The following TAB2 variants were observed in gnomAD, a reference collection of about 807,000 sequenced individuals.
TAB2 encodes TGF-beta-activated kinase 1 and MAP3K7-binding protein 2.
TAB2 carries 3 observed loss-of-function variants against 65.0 expected under a neutral mutation model. That is an observed-to-expected ratio of 0.05 (90% CI 0.02 to 0.12). The LOEUF is 0.12. Ranked by LOEUF, TAB2 falls within the 10% of genes least tolerant of loss-of-function variation. The pLI, the probability that TAB2 is intolerant of heterozygous loss-of-function variation, is 1.00. For synonymous variants in TAB2, 298 were observed against 285.1 expected, an observed-to-expected ratio of 1.05 and a Z score of -0.46; for missense variants, 623 against 840.3, an observed-to-expected ratio of 0.74 and a Z score of 3.20.
At chr6:149,272,844 A>G (rs949536468) in intron 1 of TAB2, among the ~76,000 whole-genome samples, 3 of 152,180 alleles carry the variant, frequency 2.0e-5, no homozygotes, top group African/African-American at 4.8e-5. Context: ...ATCTGAAAAC[A>G]TTTTAGATTG....
At chr6:149,362,574 A>G (rs750576889) in intron 1 of TAB2, among the ~76,000 whole-genome samples, 1 of 152,106 alleles carries the variant, frequency 6.6e-6, no homozygotes, top group Non-Finnish European at 1.5e-5. Context: ...TTTAGAGGAG[A>G]TAATGCCCTA....
chr6:149,376,862 A>G (rs1781413858), intron 2 of TAB2, among the ~76,000 whole-genome samples: 1 of 150,694 alleles, frequency 6.6e-6, no homozygotes, highest in East Asian at 1.9e-4. Flanking sequence ...ATCTTTTGAG[A>G]ATTCTTTAAA....
At position 149,370,941 on chromosome 6, in the gene TAB2, C is replaced by CT. The variant is rs770358643; in HGVS notation, c.102+843dup. Among the ~76,000 whole-genome samples the CT allele has an allele frequency of 1.2e-3, 185 of 151,698 alleles. 1 individual carries two copies. Among genetic ancestry groups the CT allele is most frequent in the Non-Finnish European group, 1.9e-3 (130 of 67,904 alleles). ...ATTAGCCAGGTGTGGCAGCCCACAC[C>CT]TGTGGTCCCAGCTACTCAGAAGACT... On this transcript the variant is annotated intron_variant, in intron 2 of 6. Coordinates refer to ENST00000637181, the MANE Select transcript of TAB2 (RefSeq NM_001292034.3).
chr6:149,358,640 C>CGTGTGTGTGTGTG (rs1554261847), intron 1 of TAB2, among the ~76,000 whole-genome samples: 1 of 121,634 alleles, frequency 8.2e-6, no homozygotes, highest in East Asian at 2.6e-4. Flanking sequence ...CTTCAGAACT[C>CGTGTGTGTGTGTG]TGTGTGTGTG....
chr6:149,352,902 C>T (rs1189546019), intron 1 of TAB2, among the ~76,000 whole-genome samples: 1 of 152,176 alleles, frequency 6.6e-6, no homozygotes. Context: ...ACACCCTTTT[C>T]CTGATGAGGA....
chr6:149,294,344 G>T (rs1274271655), intron 1 of TAB2, among the ~76,000 whole-genome samples: 2 of 152,128 alleles, frequency 1.3e-5, no homozygotes, highest in Non-Finnish European at 1.5e-5. Flanking sequence ...GCCCATTTGT[G>T]TTCAAATTTT....
upstream of TAB2, among the ~76,000 whole-genome samples, chr6:149,314,243 G>A (rs770231929): frequency 9.2e-5 from 14 of 152,212 alleles, no homozygotes; most frequent in South Asian, 2.1e-4. Context: ...TTGTGCCTTC[G>A]AACCTAATCT....
chr6:149,366,953 A>AC (rs141079527), intron 1 of TAB2, among the ~76,000 whole-genome samples: 30,660 of 141,854 alleles, frequency 0.22, 3,232 homozygotes, highest in Non-Finnish European at 0.23. Flanking sequence ...AATTGTGTAT[A>AC]AATTTTTTTT....
chr6:149,253,173 C>T (rs1777894902), intron 1 of TAB2: 2 of 152,236 alleles, frequency 1.3e-5, no homozygotes, highest in Non-Finnish European at 2.9e-5. Context: ...CTTGTCAGTA[C>T]TTGGCTGAGG....
intron 3 of TAB2, among the ~76,000 whole-genome samples, chr6:149,382,968 A>G (rs1474350394): frequency 6.6e-6 from 1 of 152,184 alleles, no homozygotes; most frequent in African/African-American, 2.4e-5. Flanking sequence ...GCTGGCCAAC[A>G]TGGTGAAACA....
chr6:149,229,393 C>T (rs1009949877), intron 1 of TAB2, among the ~76,000 whole-genome samples: 5 of 149,078 alleles, frequency 3.4e-5, no homozygotes, highest in African/African-American at 7.4e-5. Flanking sequence ...CCTTTAAAGA[C>T]GTGTGTGTGT....
chr6:149,370,051 A>G lies in TAB2; in HGVS notation c.54A>G (p.Gln18=), dbSNP rs1562438056. Residue 18 remains glutamine (Q), a synonymous_variant, in exon 2 of 7, where the codon CAA becomes CAG. Coordinates refer to ENST00000637181, the MANE Select transcript of TAB2 (RefSeq NM_001292034.3). ...IDFQVLHDLR[Q]KFPEVPEVVV... ...TTCAGGTTTTACATGACCTGCGACA[A>G]AAATTCCCTGAAGTACCTGAAGTTG... 1 of 1,614,136 alleles carries G rather than the reference A, an allele frequency of 6.2e-7. No homozygotes were observed.
intron 1 of TAB2, among the ~76,000 whole-genome samples, chr6:149,234,874 A>AC (rs1777467524): frequency 6.7e-6 from 1 of 148,996 alleles, no homozygotes; most frequent in African/African-American, 2.5e-5. Context: ...GAAAAAAAAA[A>AC]AAAAAAACAC....
upstream of TAB2, among the ~76,000 whole-genome samples, chr6:149,316,169 T>C (rs1292639574): frequency 6.6e-6 from 1 of 152,206 alleles, no homozygotes; most frequent in African/African-American, 2.4e-5. Context: ...TCTTCCCAAT[T>C]TTGTAAATCC....
intron 6 of TAB2, chr6:149,400,617 T>C: frequency 3.1e-6 from 5 of 1,614,172 alleles, no homozygotes; most frequent in East Asian, 2.2e-5. Context: ...ACCTGCACAG[T>C]TGGAAATGGA....
chr6:149,320,477 A>G (rs577870650), intron 1 of TAB2, among the ~76,000 whole-genome samples: 1 of 152,290 alleles, frequency 6.6e-6, no homozygotes, highest in East Asian at 1.9e-4. Context: ...CTTGGCAGAA[A>G]TAGAAGTTTA....
intron 3 of TAB2, among the ~76,000 whole-genome samples, chr6:149,388,324 AG>A (rs1208501099): frequency 6.6e-6 from 1 of 152,226 alleles, no homozygotes; most frequent in African/African-American, 2.4e-5. Context: ...GCTAAAACAA[AG>A]CACACAGCCA....
chr6:149,389,024 C>T (rs13209275), intron 3 of TAB2, among the ~76,000 whole-genome samples: 9 of 147,468 alleles, frequency 6.1e-5, no homozygotes, highest in Admixed American at 2.0e-4. Context: ...GGTGCAGTCT[C>T]GGCTCACTGC....
chr6:149,256,123 A>C (rs2114662163), intron 1 of TAB2, among the ~76,000 whole-genome samples: 1 of 152,372 alleles, frequency 6.6e-6, no homozygotes, highest in South Asian at 2.1e-4. Context: ...TTACTATTAA[A>C]AAGAAGGAAA....
Sources: gnomAD v4.1 joint callset for allele counts (sites outside exome capture counted in the v4.1 genomes callset) on GRCh38, gnomAD v4.1.1 for gene constraint, MANE v1.5 for transcripts, NCBI Gene and HGNC (gene_info 2026-07-23, HGNC 2026-07-21) for gene names.